Variants in CYTIP observed in about 807,000 individuals in gnomAD.
CYTIP encodes cytohesin-interacting protein.
Under a neutral mutation model 43.8 loss-of-function variants are expected in CYTIP, and 26 were observed. The ratio of observed to expected loss-of-function variants is 0.59; its 90% CI spans 0.44 to 0.82. The LOEUF (loss-of-function observed/expected upper bound fraction) is 0.82, where lower values mean the gene tolerates loss of function less well. CYTIP is among the 40% of genes least tolerant of loss of function. The pLI is 0.00. For missense variants in CYTIP, 426 were observed against 443.1 expected (o/e 0.96, Z 0.35); for synonymous variants, 162 against 162.9 (o/e 0.99, Z 0.04).
At chr2:157,438,493 A>G (rs1256988524) in intron 1 of CYTIP, among the ~76,000 whole-genome samples, 1 of 152,226 alleles carries the variant, frequency 6.6e-6, no homozygotes, top group Non-Finnish European at 1.5e-5. Flanking sequence ...ACAATAGTAT[A>G]TCATGTACTA....
At chr2:157,418,657 A>G (rs187415587) in intron 6 of CYTIP, 68 bp from the exon 7 acceptor site, 27 of 1,393,960 alleles carry the variant, frequency 1.9e-5, no homozygotes, top group Non-Finnish European at 1.3e-5. Flanking sequence ...TAGCAATTTA[A>G]TTCTAGGTGT....
At chr2:157,418,990 G>C (rs1685481221) in intron 6 of CYTIP, among the ~76,000 whole-genome samples, 2 of 152,296 alleles carry the variant, frequency 1.3e-5, no homozygotes, top group Admixed American at 1.3e-4. Flanking sequence ...ATGAGGATTA[G>C]ATGAGTGCAT....
chr2:157,415,386 A>C lies in CYTIP; in HGVS notation c.*291T>G, dbSNP rs1685423793. ...TATTCACAGGGATAATCTAGAAAAT[A>C]AATATTAGTTTTGCTTTCAAAGACA... is the stretch of plus-strand genomic sequence containing the variant. On this transcript the variant is annotated 3_prime_UTR_variant, in exon 8 of 8. Coordinates refer to ENST00000264192, the MANE Select transcript of CYTIP (RefSeq NM_004288.5). The C allele has an allele frequency of 3.9e-6, 1 of 259,704 alleles. No homozygotes were observed. The highest frequency in any genetic ancestry group is 7.5e-6 in the Non-Finnish European group (1 of 133,946). 16.1% of individuals were successfully genotyped at this position (259,704 alleles called of 1,614,324 possible). A position where few individuals can be genotyped will look rare whatever the true frequency, so the allele number is the denominator to read the frequency against.
chr2:157,438,071 C>G (rs939716646), intron 1 of CYTIP, among the ~76,000 whole-genome samples: 1 of 152,190 alleles, frequency 6.6e-6, no homozygotes, highest in African/African-American at 2.4e-5. Context: ...GACATCTGCA[C>G]TCCCATGTTT....
rs376714958 is a variant in CYTIP at position 157,443,952 on chromosome 2, C to G, written c.69G>C (p.Ala23=). 1 of 1,614,154 alleles carries G rather than the reference C, an allele frequency of 6.2e-7. No individual in the cohort carries two copies. The highest frequency in any genetic ancestry group is 8.5e-7 in the Non-Finnish European group (1 of 1,180,010). The change falls in exon 1 of 8, where the codon GCG becomes GCC. Residue 23 remains alanine (A), a synonymous_variant. Transcript: ENST00000264192. ...CGGTGAGTGTGGAGTAAGAGCTATA[C>G]GCTGGCCCAGCGCAGAAGTCCGCCA... The part of the protein sequence containing the change: ...GNLADFCAGP[A]YSSYSTLTGS...
chr2:157,429,979 C>T (rs541652250), intron 5 of CYTIP, among the ~76,000 whole-genome samples: 4 of 149,028 alleles, frequency 2.7e-5, no homozygotes, highest in South Asian at 2.1e-4. Flanking sequence ...GCCAAGATCG[C>T]GCCACTGCAC....
chr2:157,434,628 G>GA, intron 2 of CYTIP, 70 bp downstream of exon 2: 1 of 1,206,058 alleles, frequency 8.3e-7, no homozygotes, highest in Non-Finnish European at 1.2e-6. Context: ...GAAGAGAGAG[G>GA]AAAAAACAGT....
chr2:157,428,799 A>AT, intron 5 of CYTIP, among the ~76,000 whole-genome samples: 1 of 152,282 alleles, frequency 6.6e-6, no homozygotes, highest in African/African-American at 2.4e-5. Flanking sequence ...GTTGGACCCA[A>AT]TTTGTTACCA....
chr2:157,434,406 C>T lies in CYTIP; in HGVS notation c.243G>A (p.Glu81=). 1 of 1,612,564 alleles carries T rather than the reference C, an allele frequency of 6.2e-7. No individual in the cohort carries two copies. Among genetic ancestry groups the T allele is most frequent in the Non-Finnish European group, 8.5e-7 (1 of 1,179,106 alleles). The stretch of plus-strand genomic sequence containing the variant: ...ATCCAAATGTTTCATTATCCTGCTT[C>T]TCCACAGTAACAAGCTTTCTGTAAT... ...SWSQRKLVTV[E]KQDNETFGFE... is the part of the protein sequence containing the mutation. The change falls in exon 3 of 8, where the codon GAG becomes GAA. Residue 81 remains glutamate (E), a synonymous_variant. Coordinates refer to ENST00000264192, the MANE Select transcript of CYTIP (RefSeq NM_004288.5).
intron 1 of CYTIP, among the ~76,000 whole-genome samples, chr2:157,443,206 C>T (rs1685943868): frequency 1.3e-5 from 2 of 151,928 alleles, no homozygotes; most frequent in African/African-American, 2.4e-5. Flanking sequence ...ACATAAGAAC[C>T]CAATAAGGGT....
intron 1 of CYTIP, among the ~76,000 whole-genome samples, chr2:157,438,335 A>T (rs1685847105): frequency 6.6e-6 from 1 of 152,188 alleles, no homozygotes; most frequent in Non-Finnish European, 1.5e-5. Context: ...TTGATCTCAT[A>T]GAAGTAAAAA....
Position 157,415,848 on chromosome 2 carries a change from C to G in CYTIP, c.909G>C (p.Arg303=). The G allele has an allele frequency of 6.2e-7, 1 of 1,614,206 alleles. No individual in the cohort carries two copies. The change falls in exon 8 of 8, where the codon CGG becomes CGC. Residue 303 remains arginine, a synonymous_variant. Coordinates refer to ENST00000264192, the MANE Select transcript of CYTIP (RefSeq NM_004288.5). ...FLRRSSSRRN[R]SISNTSSGSM... Reference sequence around the variant, plus strand: ...ATCCGCTGCTGGTGTTACTGATGCTCCGGTTCCTCCTTGAAGATGACCTCC... The same window carrying G: ...ATCCGCTGCTGGTGTTACTGATGCTGCGGTTCCTCCTTGAAGATGACCTCC...
At chr2:157,440,823 C>T (rs540667474) in intron 1 of CYTIP, among the ~76,000 whole-genome samples, 35 of 152,264 alleles carry the variant, frequency 2.3e-4, no homozygotes, top group Admixed American at 2.0e-3. Context: ...CCAAAAGCAA[C>T]GTACTACATT....
In CYTIP at chr2:157,440,380, C is replaced by T. The variant is rs16841787; in HGVS notation, c.174+3467G>A. Among the ~76,000 whole-genome samples, 676 of 152,310 alleles carry T rather than the reference C, an allele frequency of 4.4e-3. 5 individuals are homozygous for T. Among genetic ancestry groups the T allele is most frequent in the African/African-American group, 0.015 (636 of 41,576 alleles). Reference sequence around the variant, plus strand: ...CAAGTAAGGTCTGATGGTGGGCTCACAGACTCTTCAAGAAAAATTATTGGA... The same window carrying T: ...CAAGTAAGGTCTGATGGTGGGCTCATAGACTCTTCAAGAAAAATTATTGGA... On this transcript the variant is annotated intron_variant, in intron 1 of 7. Coordinates refer to ENST00000264192, the MANE Select transcript of CYTIP (RefSeq NM_004288.5).
intron 5 of CYTIP, among the ~76,000 whole-genome samples, chr2:157,428,721 C>T (rs1473776294): frequency 1.3e-5 from 2 of 152,220 alleles, no homozygotes; most frequent in Admixed American, 6.5e-5. Context: ...GGTTCCTCTC[C>T]TTTGGATCCA....
rs541066319 is a variant in CYTIP, at chr2:157,424,686, T to C, written c.546+2665A>G. ...GCAAGGGCAATAGAGTGAGACCCTG[T>C]CTCCAAAAATAGATAAATAAAATTT... On this transcript the variant is annotated intron_variant, in intron 6 of 7. Coordinates refer to ENST00000264192, the MANE Select transcript of CYTIP (RefSeq NM_004288.5). Among the ~76,000 whole-genome samples the C allele has an allele frequency of 8.5e-5, 13 of 152,182 alleles. 1 individual carries two copies. The South Asian group carries it at 2.7e-3, about 32-fold the overall frequency.
chr2:157,438,895 C>T, intron 1 of CYTIP: 1 of 362,948 alleles, frequency 2.8e-6, no homozygotes, highest in African/African-American at 2.1e-5. Context: ...TTTTAGTATG[C>T]CGGAAATCAG....
At chr2:157,443,412 C>T (rs554088110) in intron 1 of CYTIP, among the ~76,000 whole-genome samples, 13 of 151,992 alleles carry the variant, frequency 8.6e-5, no homozygotes, top group South Asian at 8.3e-4. Context: ...AATTAGTCAA[C>T]AAAATTTGTC....
chr2:157,416,963 TTGTG>T (rs987691963), intron 7 of CYTIP, among the ~76,000 whole-genome samples: 1 of 151,068 alleles, frequency 6.6e-6, no homozygotes, highest in African/African-American at 2.4e-5. Flanking sequence ...GGTTGGTATC[TTGTG>T]TGTGTGTGTG....
Sources: allele counts gnomAD v4.1 joint callset (sites outside exome capture counted in the v4.1 genomes callset), GRCh38; gene constraint gnomAD v4.1.1; transcripts MANE v1.5; gene names NCBI Gene and HGNC (gene_info 2026-07-23, HGNC 2026-07-21).